ZFYVE26: variants seen among roughly 807,000 people sequenced by gnomAD.
ZFYVE26 encodes zinc finger FYVE domain-containing protein 26.
ZFYVE26 carries 181 observed loss-of-function variants against 276.5 expected under a neutral mutation model. The observed-to-expected ratio is 0.65, with a 90% CI of 0.58 to 0.74. ZFYVE26 has a LOEUF of 0.74. ZFYVE26 is among the 30% of genes least tolerant of loss of function. ZFYVE26 has a pLI of 0.00. For missense variants in ZFYVE26, 2,821 were observed against 3,097.9 expected (o/e 0.91, Z 2.12); for synonymous variants, 1,129 against 1,203.1 (o/e 0.94, Z 1.27).
intron 13 of ZFYVE26, among the ~76,000 whole-genome samples, chr14:67,740,895 T>A (rs2038409204): frequency 6.7e-6 from 1 of 150,112 alleles, no homozygotes; most frequent in African/African-American, 2.5e-5. Context: ...GGTGACAGAG[T>A]AAGACTCTGT....
At chr14:67,778,284 A>G in intron 23 of ZFYVE26, 36 bp from the exon 24 acceptor site, 1 of 1,613,892 alleles carries the variant, frequency 6.2e-7, no homozygotes, top group Non-Finnish European at 8.5e-7. Context: ...ACCCCTTTAC[A>G]TGACTGCCTG....
rs1033463343 is a variant in ZFYVE26 at position 67,814,067 on chromosome 14, G to C, written c.195-3C>G. Reference sequence around the variant, plus strand: ...GAGGGTTGATGTCCTGCCCACATCTGAAAAAGGTAAAAAGAAAGACTTGTA... The same window carrying C: ...GAGGGTTGATGTCCTGCCCACATCTCAAAAAGGTAAAAAGAAAGACTTGTA... On this transcript the variant is annotated splice_region_variant and splice_polypyrimidine_tract_variant and intron_variant, in intron 2 of 41. Coordinates refer to ENST00000347230, the MANE Select transcript of ZFYVE26 (RefSeq NM_015346.4). 4 of 1,611,814 alleles carry C rather than the reference G, an allele frequency of 2.5e-6. No homozygotes were observed. The highest frequency in any genetic ancestry group is 3.4e-6 in the Non-Finnish European group (4 of 1,178,136).
intron 10 of ZFYVE26, chr14:67,799,730 A>G (rs1281575995): frequency 1.3e-6 from 1 of 742,752 alleles, no homozygotes; most frequent in Admixed American, 2.3e-5. Flanking sequence ...TCCAGCCTGA[A>G]TTTTTCAGAT....
At chr14:67,797,534 G>C in intron 12 of ZFYVE26, 138 bp downstream of exon 12, 1 of 937,496 alleles carries the variant, frequency 1.1e-6, no homozygotes, top group Non-Finnish European at 1.7e-6. Flanking sequence ...TATTAACAAG[G>C]GTTACCTTGA....
rs529931011 is a variant in ZFYVE26, at chr14:67,775,935, C to T, written c.5146G>A (p.Glu1716Lys). The T allele has an allele frequency of 1.2e-5, 20 of 1,614,200 alleles. No individual in the cohort carries two copies. In the South Asian group the frequency reaches 1.4e-4, roughly 12 times the overall value. The change falls in exon 26 of 42, where the codon GAG (glutamate) becomes AAG (lysine). Residue 1716 changes from glutamate to lysine, a missense_variant. Glu to Lys is a moderately conservative substitution (Grantham distance 56). Coordinates refer to ENST00000347230, the MANE Select transcript of ZFYVE26 (RefSeq NM_015346.4). ...TATCTGGAAAGCAGTGAGTCCACCT[C>T]GTCCATAGTGAAGCCAATCTCCTGT... is the stretch of plus-strand genomic sequence containing the variant. Reference protein sequence around the residue: ...VGQEIGFTMDEVDSLLSRYAE... With the variant: ...VGQEIGFTMDKVDSLLSRYAE...
chr14:67,736,939 G>A (rs1057481402), intron 13 of ZFYVE26, among the ~76,000 whole-genome samples: 11 of 152,102 alleles, frequency 7.2e-5, no homozygotes, highest in African/African-American at 1.9e-4. Flanking sequence ...TTAAACACCC[G>A]CAGTGACCAG....
chr14:67,734,734 T>A (rs1481802171), intron 13 of ZFYVE26, among the ~76,000 whole-genome samples: 1 of 152,216 alleles, frequency 6.6e-6, no homozygotes, highest in Non-Finnish European at 1.5e-5. Context: ...TACTCCCCCA[T>A]GGCCTAACTG....
intron 20 of ZFYVE26, 88 bp downstream of exon 20, chr14:67,784,246 A>C: frequency 9.0e-7 from 1 of 1,111,418 alleles, no homozygotes; most frequent in Non-Finnish European, 1.4e-6. Context: ...CTCTGTGCTA[A>C]CCCCAAGCAC....
chr14:67,805,268 T>C lies in ZFYVE26; in HGVS notation c.1220A>G (p.Asp407Gly). 1 of 1,614,076 alleles carries C rather than the reference T, an allele frequency of 6.2e-7. No homozygotes were observed. The highest frequency in any genetic ancestry group is 8.5e-7 in the Non-Finnish European group (1 of 1,180,000). ...GCDELLRDAC[D>G]GLWAHLEVLE... ...GACCTCCAGGTGAGCCCACAACCCA[T>C]CACAGGCATCCCTGAGGAGCTCATC... Residue 407 changes from aspartate to glycine, a missense_variant, in exon 8 of 42, where the codon GAT becomes GGT. Coordinates refer to ENST00000347230, the MANE Select transcript of ZFYVE26 (RefSeq NM_015346.4).
At chr14:67,735,423 T>G in intron 13 of ZFYVE26, 1 of 636,680 alleles carries the variant, frequency 1.6e-6, no homozygotes, top group East Asian at 2.7e-5. Flanking sequence ...AGTTAACATC[T>G]GAGCAAGTGA....
At chr14:67,790,804 G>A (rs765840968) in intron 14 of ZFYVE26, 31 bp from the exon 15 acceptor site, 2 of 1,584,636 alleles carry the variant, frequency 1.3e-6, no homozygotes, top group Non-Finnish European at 1.7e-6. Flanking sequence ...TGTGGGCCCT[G>A]GTGGTCCCAC....
chr14:67,796,789 TA>T, intron 12 of ZFYVE26: 1 of 151,968 alleles, frequency 6.6e-6, no homozygotes, highest in Non-Finnish European at 1.5e-5. Context: ...CCGTCTCTAC[TA>T]AAAATACAAA....
In ZFYVE26 at chr14:67,793,622, C is replaced by G; in HGVS notation, c.2539G>C (p.Ala847Pro). 1 of 1,613,528 alleles carries G rather than the reference C, an allele frequency of 6.2e-7. No homozygotes were observed. Among genetic ancestry groups the G allele is most frequent in the Non-Finnish European group, 8.5e-7 (1 of 1,179,762 alleles). ...LASCILRGNF[A>P]EAHQVLFTFN... Reference sequence around the variant, plus strand: ...CCTCCCCTCACCTGATGGGCTTCTGCGAAGTTCCCGCGAAGGATGCAGGAT... The same window carrying G: ...CCTCCCCTCACCTGATGGGCTTCTGGGAAGTTCCCGCGAAGGATGCAGGAT... Residue 847 changes from alanine to proline, a missense_variant, in exon 14 of 42, where the codon GCA (alanine) becomes CCA (proline). Coordinates refer to ENST00000347230, the MANE Select transcript of ZFYVE26 (RefSeq NM_015346.4).
intron 32 of ZFYVE26, among the ~76,000 whole-genome samples, chr14:67,765,874 C>T (rs1340772064): frequency 6.6e-6 from 1 of 152,186 alleles, no homozygotes; most frequent in Non-Finnish European, 1.5e-5. Context: ...AAGGAGGACA[C>T]ATTTTCTTTA....
At chr14:67,805,077 G>A in intron 8 of ZFYVE26, 140 bp downstream of exon 8, 3 of 786,476 alleles carry the variant, frequency 3.8e-6, no homozygotes, top group Non-Finnish European at 6.5e-6. Flanking sequence ...TGGTTTAATT[G>A]TTGGAACAAT....
rs150758716 is a variant in ZFYVE26 at position 67,809,715 on chromosome 14, C to A, written c.274-426G>T. On this transcript the variant is annotated intron_variant, in intron 3 of 41. Coordinates refer to ENST00000347230, the MANE Select transcript of ZFYVE26 (RefSeq NM_015346.4). Reference sequence around the variant, plus strand: ...GGGATTACAGATGTGAGCTACCACGCCTGGCCTAAGATAAAGTACTTTTAA... The same window carrying A: ...GGGATTACAGATGTGAGCTACCACGACTGGCCTAAGATAAAGTACTTTTAA... Among the ~76,000 whole-genome samples, 939 of 151,826 alleles carry A rather than the reference C, an allele frequency of 6.2e-3. 8 individuals carry two copies. The highest frequency in any genetic ancestry group is 0.021 in the African/African-American group (888 of 41,378).
chr14:67,755,839 C>A, intron 36 of ZFYVE26, 109 bp downstream of exon 36: 19 of 1,369,736 alleles, frequency 1.4e-5, no homozygotes, highest in Non-Finnish European at 1.8e-5. Flanking sequence ...GTCAGCCAAA[C>A]AGCAAGGCCA....
chr14:67,787,043 A>G (rs1594918607), intron 16 of ZFYVE26, among the ~76,000 whole-genome samples: 1 of 152,150 alleles, frequency 6.6e-6, no homozygotes, highest in South Asian at 2.1e-4. Context: ...AGAGGCTGGG[A>G]AGGTAGTAAG....
At position 67,766,230 on chromosome 14, in the gene ZFYVE26, T is replaced by C. The variant is rs890614624; in HGVS notation, c.6008A>G (p.Asp2003Gly). 6.2e-6 allele frequency: 10 copies of C among 1,613,882 alleles called. No homozygotes were observed. The highest frequency in any genetic ancestry group is 8.5e-6 in the Non-Finnish European group (10 of 1,180,034). Residue 2003 changes from aspartate to glycine, a missense_variant, in exon 32 of 42, where the codon GAC becomes GGC. By Grantham distance (94) the Asp-to-Gly change is moderately conservative. Coordinates refer to ENST00000347230, the MANE Select transcript of ZFYVE26 (RefSeq NM_015346.4). ...AGQSQDLALCDSYISKVDVLN... is the reference protein window; with the variant it reads ...AGQSQDLALCGSYISKVDVLN... ...ATAGAGACCCACTGCCCTCTACCTG[T>C]CACAAAGAGCCAAGTCTTGGCTCTG...
Sources: allele counts gnomAD v4.1 joint callset (sites outside exome capture counted in the v4.1 genomes callset), GRCh38; gene constraint gnomAD v4.1.1; transcripts MANE v1.5; gene names NCBI Gene and HGNC (gene_info 2026-07-23, HGNC 2026-07-21).